The following PTPRG variants were observed in gnomAD, a reference collection of about 807,000 sequenced individuals.
The protein encoded by PTPRG is protein tyrosine phosphatase receptor type G.
Under a neutral mutation model 165.3 loss-of-function variants are expected in PTPRG, and 102 were observed. That is an observed-to-expected ratio of 0.62 (90% CI 0.53 to 0.73). The LOEUF (loss-of-function observed/expected upper bound fraction) is 0.73, where lower values mean the gene tolerates loss of function less well. Ranked by LOEUF, PTPRG falls within the 30% of genes least tolerant of loss-of-function variation. The probability of loss-of-function intolerance (pLI) is 0.00; values close to 1 mark genes in which losing one functional copy is unlikely to be tolerated. For missense variants in PTPRG, 1,866 were observed against 1,861.4 expected, an observed-to-expected ratio of 1.00 and a Z score of -0.05; for synonymous variants, 675 against 669.5, an observed-to-expected ratio of 1.01 and a Z score of -0.13.
intron 2 of PTPRG, among the ~76,000 whole-genome samples, chr3:61,968,949 T>C (rs2040330007): frequency 6.6e-6 from 1 of 152,232 alleles, no homozygotes; most frequent in African/African-American, 2.4e-5. Flanking sequence ...GTCTGTACTC[T>C]GTACATTTTA....
chr3:61,801,053 G>T (rs544839647), intron 2 of PTPRG, among the ~76,000 whole-genome samples: 2 of 152,286 alleles, frequency 1.3e-5, no homozygotes, highest in East Asian at 1.9e-4. Flanking sequence ...ACCGCCTGCC[G>T]TAGCTTCCCT....
chr3:62,061,341 A>G (rs1375138173), intron 4 of PTPRG, among the ~76,000 whole-genome samples: 3 of 152,166 alleles, frequency 2.0e-5, no homozygotes, highest in Non-Finnish European at 4.4e-5. Context: ...GTATCTCTGG[A>G]TGTTTTCTAT....
rs1029770560 is a variant in PTPRG, at chr3:61,563,292, G to T, written c.85+920G>T. ...GCAGACCCAGTCTCGCTCCTTTCTGGCCAGGTTAAGACAGGAACAATACTG... is the reference window on the plus strand; with the variant it reads ...GCAGACCCAGTCTCGCTCCTTTCTGTCCAGGTTAAGACAGGAACAATACTG... On this transcript the variant is annotated intron_variant, in intron 1 of 29. Transcript: ENST00000474889. Among the ~76,000 whole-genome samples the T allele has an allele frequency of 8.5e-5, 13 of 152,102 alleles. 1 individual carries two copies. The highest frequency in any genetic ancestry group is 2.4e-5 in the African/African-American group (1 of 41,408).
intron 1 of PTPRG, among the ~76,000 whole-genome samples, chr3:61,649,749 C>G (rs1359215027): frequency 6.6e-6 from 1 of 152,126 alleles, no homozygotes; most frequent in Non-Finnish European, 1.5e-5. Flanking sequence ...TACATTGGCT[C>G]CTCTTAGAAA....
At chr3:61,816,454 C>T (rs530199622) in intron 2 of PTPRG, among the ~76,000 whole-genome samples, 1 of 152,230 alleles carries the variant, frequency 6.6e-6, no homozygotes, top group South Asian at 2.1e-4. Context: ...ATCACTTGAA[C>T]CCTGGAGGCG....
chr3:61,880,134 T>C (rs957522032), intron 2 of PTPRG, among the ~76,000 whole-genome samples: 2 of 152,232 alleles, frequency 1.3e-5, no homozygotes, highest in African/African-American at 2.4e-5. Context: ...TTCATCTGTT[T>C]ATCACATATT....
intron 1 of PTPRG, among the ~76,000 whole-genome samples, chr3:61,602,047 C>G (rs1313799604): frequency 3.3e-5 from 5 of 152,120 alleles, no homozygotes; most frequent in Non-Finnish European, 7.3e-5. Flanking sequence ...GAATTCCCAG[C>G]CTGTGGGTGG....
chr3:61,906,568 G>A lies in PTPRG; in HGVS notation c.191-83057G>A, dbSNP rs1461809362. ...GAGGATCACTTTAGCCCAGGAATTCGAGACCAGCCTGGGCAACATAGGTAG... is the reference window on the plus strand; with the variant it reads ...GAGGATCACTTTAGCCCAGGAATTCAAGACCAGCCTGGGCAACATAGGTAG... On this transcript the variant is annotated intron_variant, in intron 2 of 29. Transcript: ENST00000474889. 3.3e-5 allele frequency among the ~76,000 whole-genome samples: 5 copies of A among 152,018 alleles called. No homozygotes were observed. In the South Asian group the frequency reaches 6.2e-4, roughly 19 times the overall value.
At chr3:61,630,900 AC>A (rs1223189666) in intron 1 of PTPRG, among the ~76,000 whole-genome samples, 1 of 152,012 alleles carries the variant, frequency 6.6e-6, no homozygotes, top group African/African-American at 2.4e-5. Flanking sequence ...TACTAAAAAT[AC>A]AAAAATTAGC....
chr3:61,741,343 A>G (rs933047387), intron 1 of PTPRG, among the ~76,000 whole-genome samples: 1 of 152,202 alleles, frequency 6.6e-6, no homozygotes, highest in South Asian at 2.1e-4. Flanking sequence ...TTTTGGCAGT[A>G]TATCTGGGAG....
chr3:62,068,036 T>G (rs916103125), intron 4 of PTPRG, among the ~76,000 whole-genome samples: 1 of 152,154 alleles, frequency 6.6e-6, no homozygotes, highest in African/African-American at 2.4e-5. Flanking sequence ...CAGTTTTAAG[T>G]AAGTGGGCTC....
rs1186772055 is a variant in PTPRG at position 62,294,427 on chromosome 3, T to C, written c.*1120T>C. 1 of 152,150 alleles carries C rather than the reference T, an allele frequency of 6.6e-6. No homozygotes were observed. The highest frequency in any genetic ancestry group is 1.5e-5 in the Non-Finnish European group (1 of 68,022). The allele number at this position is 152,150 out of a possible 1,614,324, so 9.4% of individuals were successfully genotyped here. On this transcript the variant is annotated 3_prime_UTR_variant, in exon 30 of 30. Transcript: ENST00000474889. ...TTGGGACTATCTAAACTCCCACACA[T>C]AGATAAATCTGATTTGGAGAGAGAA...
At chr3:61,862,416 T>C (rs2037295994) in intron 2 of PTPRG, among the ~76,000 whole-genome samples, 2 of 150,970 alleles carry the variant, frequency 1.3e-5, no homozygotes, top group Non-Finnish European at 3.0e-5. Context: ...AATTCCGCTG[T>C]TGTTGCCCAG....
rs1032250521 is a variant in PTPRG at position 62,094,874 on chromosome 3, A to G, written c.615+16616A>G. Among the ~76,000 whole-genome samples, 6 of 152,354 alleles carry G rather than the reference A, an allele frequency of 3.9e-5. No homozygotes were observed. The South Asian group carries it at 1.0e-3, about 26-fold the overall frequency. ...GCTCATGCCTGGCTGTGTTCTGCCA[A>G]GAGGCACTTGCAGATATTCCCACAT... On this transcript the variant is annotated intron_variant, in intron 5 of 29. Coordinates refer to ENST00000474889, the MANE Select transcript of PTPRG (RefSeq NM_002841.4).
chr3:61,569,419 G>A (rs1451598298), intron 1 of PTPRG, among the ~76,000 whole-genome samples: 1 of 152,132 alleles, frequency 6.6e-6, no homozygotes, highest in East Asian at 1.9e-4. Context: ...ATGTATATAA[G>A]GACTTAGTGC....
chr3:62,285,859 T>TTGCAAATACTTAATTAC (rs1174098264), intron 28 of PTPRG, among the ~76,000 whole-genome samples: 1 of 152,124 alleles, frequency 6.6e-6, no homozygotes, highest in Non-Finnish European at 1.5e-5. Context: ...AGAGTTCCCT[T>TTGCAAATACTTAATTAC]TGCAAATACT....
At chr3:62,092,948 TTC>T (rs1369626743) in intron 5 of PTPRG, among the ~76,000 whole-genome samples, 1 of 152,180 alleles carries the variant, frequency 6.6e-6, no homozygotes, top group Non-Finnish European at 1.5e-5. Context: ...TGTTACTATT[TTC>T]TGTTTCTTCC....
At chr3:61,930,217 C>A (rs1300769516) in intron 2 of PTPRG, among the ~76,000 whole-genome samples, 1 of 152,126 alleles carries the variant, frequency 6.6e-6, no homozygotes, top group Non-Finnish European at 1.5e-5. Context: ...TTGCCTGTTT[C>A]AGCTGTGTGT....
intron 12 of PTPRG, among the ~76,000 whole-genome samples, chr3:62,207,784 A>G (rs978422668): frequency 6.6e-6 from 1 of 152,192 alleles, no homozygotes; most frequent in Admixed American, 6.5e-5. Flanking sequence ...GAATCCTTCT[A>G]TAGAAGAAGT....
Sources: gnomAD v4.1 joint callset for allele counts (sites outside exome capture counted in the v4.1 genomes callset) on GRCh38, gnomAD v4.1.1 for gene constraint, MANE v1.5 for transcripts, NCBI Gene and HGNC (gene_info 2026-07-23, HGNC 2026-07-21) for gene names.